Variants in ADGRD2 observed in about 807,000 individuals in gnomAD.
ADGRD2 encodes G protein-coupled receptor PGR24.
Under a neutral mutation model 44.4 loss-of-function variants are expected in ADGRD2, and 71 were observed. The observed-to-expected ratio is 1.60, with a 90% CI of 1.32 to 1.95. The LOEUF (loss-of-function observed/expected upper bound fraction) is 1.95. Ranked by LOEUF, ADGRD2 falls within the 30% of genes most tolerant of loss-of-function variation. The pLI, the probability that ADGRD2 is intolerant of heterozygous loss-of-function variation, is 0.00. For missense variants in ADGRD2, 1,039 were observed against 512.4 expected, an observed-to-expected ratio of 2.03 and a Z score of -9.92; for synonymous variants, 481 against 224.8, an observed-to-expected ratio of 2.14 and a Z score of -10.19.
At chr9:124,469,495 C>T (rs1570580) in exon 16 of ADGRD2, 3 of 717,880 alleles carry the variant, frequency 4.2e-6, no homozygotes, top group African/African-American at 1.7e-5. Flanking sequence ...CCGCCGTGCC[C>T]GCATGTTGAG....
chr9:124,453,917 A>T, intron 3 of ADGRD2, 82 bp from the exon 7 acceptor site: 1 of 596,012 alleles, frequency 1.7e-6, no homozygotes, highest in South Asian at 2.0e-5. Flanking sequence ...CAGGTTTCAC[A>T]TTGCCACCTA....
chr9:124,456,140 G>A (rs754613398), intron 6 of ADGRD2, among the ~76,000 whole-genome samples: 1 of 152,246 alleles, frequency 6.6e-6, no homozygotes, highest in Non-Finnish European at 1.5e-5. Context: ...GGGGAATAGG[G>A]ATGATCACGC....
At chr9:124,453,101 G>T (rs1476028081) in exon 3 of ADGRD2, 1 of 698,736 alleles carries the variant, frequency 1.4e-6, no homozygotes. Flanking sequence ...CGGCTGCGGA[G>T]CCCTCTGCCT....
In ADGRD2 at chr9:124,463,608, C is replaced by T. The variant is rs141405122; in HGVS notation, c.1871-2650C>T. Reference sequence around the variant, plus strand: ...GTGGAAAGATTTTTAATTGTGTGTTCTGTTTCTTTGATTGATATAGGTTAT... The same window carrying T: ...GTGGAAAGATTTTTAATTGTGTGTTTTGTTTCTTTGATTGATATAGGTTAT... On this transcript the variant is annotated intron_variant, in intron 10 of 21. Coordinates refer to ENST00000334810, the Ensembl canonical transcript of ADGRD2. Among the ~76,000 whole-genome samples the T allele has an allele frequency of 3.0e-3, 463 of 152,168 alleles. 1 individual carries two copies. The highest frequency in any genetic ancestry group is 0.01 in the African/African-American group (431 of 41,528).
intron 21 of ADGRD2, chr9:124,477,104 C>T (rs765878706): frequency 1.0e-5 from 5 of 499,684 alleles, no homozygotes; most frequent in Non-Finnish European, 2.0e-5. Flanking sequence ...GGCCTGATGC[C>T]CTAGGATCCA....
chr9:124,453,152 A>G, exon 3 of ADGRD2: 1 of 701,006 alleles, frequency 1.4e-6, no homozygotes, highest in East Asian at 2.7e-5. Flanking sequence ...GTGCAGTGGG[A>G]CTGTGCCTCG....
chr9:124,464,694 T>C (rs1028945829), intron 10 of ADGRD2, among the ~76,000 whole-genome samples: 2 of 152,216 alleles, frequency 1.3e-5, no homozygotes, highest in Non-Finnish European at 2.9e-5. Flanking sequence ...ATAAAATCTA[T>C]ATTTTTGTCA....
upstream of ADGRD2, chr9:124,451,229 A>AT (rs1402546378): frequency 4.2e-6 from 2 of 471,400 alleles, no homozygotes; most frequent in African/African-American, 4.0e-5. Context: ...CAGAGGCCTG[A>AT]TGAAGCAGAA....
At chr9:124,468,753 C>A (rs1831882389) in intron 14 of ADGRD2, 81 bp downstream of exon 17, 4 of 650,808 alleles carry the variant, frequency 6.1e-6, no homozygotes, top group South Asian at 5.2e-5. Context: ...CATGGCCCCA[C>A]ACCCAGCACT....
At chr9:124,451,791 A>C, upstream of ADGRD2, 1 of 365,938 alleles carries the variant, frequency 2.7e-6, no homozygotes, top group Non-Finnish European at 5.1e-6. Context: ...CTTACCTCAT[A>C]AGGTCACTGC....
chr9:124,456,632 G>A, exon 7 of ADGRD2: 1 of 718,072 alleles, frequency 1.4e-6, no homozygotes, highest in South Asian at 1.5e-5. Flanking sequence ...GTGATTGGTG[G>A]GCCTATGGCC....
At chr9:124,469,252 T>C in exon 15 of ADGRD2, 1 of 716,786 alleles carries the variant, frequency 1.4e-6, no homozygotes, top group African/African-American at 1.7e-5. Flanking sequence ...GCGGTCACCC[T>C]GGCCATGCTC....
chr9:124,452,365 A>C (rs1254466438), intron 1 of ADGRD2, 145 bp from the exon 5 acceptor site: 5 of 661,258 alleles, frequency 7.6e-6, no homozygotes, highest in Non-Finnish European at 1.4e-5. Flanking sequence ...GCAAGAGGAC[A>C]GGACTCAGCA....
chr9:124,454,409 G>A lies in ADGRD2; in HGVS notation c.1023-75G>A. 1.5e-6 allele frequency: 1 copy of A among 675,458 alleles called. No individual in the cohort carries two copies. The highest frequency in any genetic ancestry group is 2.1e-5 in the Admixed American group (1 of 48,618). 41.8% of individuals were successfully genotyped at this position (675,458 alleles called of 1,614,324 possible). A position where few individuals can be genotyped will look rare whatever the true frequency, so the allele number is the denominator to read the frequency against. On this transcript the variant is annotated intron_variant, in intron 4 of 21. Coordinates refer to ENST00000334810, the Ensembl canonical transcript of ADGRD2. The surrounding 1 kb of genome is among the most constrained non-coding windows in gnomAD (Gnocchi z 4.5). The stretch of plus-strand genomic sequence containing the variant: ...TTCCCTGGGCAGCACGTGGTGGGTG[G>A]AGGTCACTGAACAGGCTGGCATCTC...
At chr9:124,451,150 G>A (rs1831457984), upstream of ADGRD2, 2 of 472,210 alleles carry the variant, frequency 4.2e-6, no homozygotes, top group Non-Finnish European at 8.8e-6. Context: ...AGAAATGGAC[G>A]CACCTTGGGG....
chr9:124,476,884 C>A, intron 21 of ADGRD2, 175 bp downstream of exon 24: 1 of 701,346 alleles, frequency 1.4e-6, no homozygotes, highest in African/African-American at 1.7e-5. Flanking sequence ...TGGCGGGGAC[C>A]AGGCAGTACC....
At chr9:124,472,931 G>A (rs951168399) in intron 17 of ADGRD2, among the ~76,000 whole-genome samples, 3 of 152,254 alleles carry the variant, frequency 2.0e-5, no homozygotes, top group Admixed American at 1.3e-4. Context: ...AGGAGAGGCT[G>A]CCTTAGGCAG....
At chr9:124,455,157 G>A (rs569273016) in intron 6 of ADGRD2, 30 bp downstream of exon 9, 5 of 662,450 alleles carry the variant, frequency 7.5e-6, no homozygotes, top group African/African-American at 7.1e-5. Flanking sequence ...GTGGGGCAGG[G>A]GCCTGGGCTA....
chr9:124,470,801 CA>C (rs1266032960), intron 17 of ADGRD2, among the ~76,000 whole-genome samples, 187 bp downstream of exon 20: 1 of 152,246 alleles, frequency 6.6e-6, no homozygotes, highest in Non-Finnish European at 1.5e-5. Context: ...TCCAATCAAC[CA>C]GCGGTTCGTG....
Sources: allele counts gnomAD v4.1 joint callset (sites outside exome capture counted in the v4.1 genomes callset), GRCh38; gene constraint gnomAD v4.1.1; non-coding constraint Gnocchi (gnomAD v3.1); transcripts MANE v1.5; gene names NCBI Gene and HGNC (gene_info 2026-07-23, HGNC 2026-07-21).